The following CEP290 variants were observed in gnomAD, a reference collection of about 807,000 sequenced individuals.
The protein encoded by CEP290 is centrosomal protein 290, also known as centrosomal protein of 290 kDa.
In CEP290, 317 loss-of-function variants were observed where a neutral mutation model predicts 344.9. That is an observed-to-expected ratio of 0.92 (90% CI 0.84 to 1.01). CEP290 has a LOEUF of 1.01. Ranked by LOEUF, CEP290 falls within the 50% of genes least tolerant of loss-of-function variation. CEP290 has a pLI of 0.00. For missense variants in CEP290, 2,754 were observed against 2,761.4 expected, an observed-to-expected ratio of 1.00 and a Z score of 0.06; for synonymous variants, 932 against 895.8, an observed-to-expected ratio of 1.04 and a Z score of -0.72.
At chr12:88,114,307 CAAT>C in intron 20 of CEP290, 110 bp downstream of exon 20, 1 of 815,770 alleles carries the variant, frequency 1.2e-6, no homozygotes, top group South Asian at 2.4e-5. Context: ...TACAGGGAAA[CAAT>C]GATTCAAATG....
intron 11 of CEP290, among the ~76,000 whole-genome samples, chr12:88,127,191 A>G (rs1393654988): frequency 2.2e-5 from 1 of 45,844 alleles, no homozygotes; most frequent in Non-Finnish European, 5.9e-5. Flanking sequence ...TATGTTTCGA[A>G]GATTTAAATG....
At chr12:88,116,973 CAAAAAA>C in intron 18 of CEP290, 54 bp downstream of exon 18, 82 of 533,482 alleles carry the variant, frequency 1.5e-4, no homozygotes, top group Non-Finnish European at 1.6e-4. Context: ...GACTCCGTCT[CAAAAAA>C]AAAAAAAAAA....
In CEP290 at chr12:88,077,852, T is replaced by C. The variant is rs1460898199; in HGVS notation, c.5431A>G (p.Arg1811Gly). The C allele has an allele frequency of 3.4e-6, 5 of 1,455,894 alleles. No homozygotes were observed. The Admixed American group carries it at 8.8e-5, about 25-fold the overall frequency. The allele number at this position is 1,455,894 out of a possible 1,614,324, so 90.2% of individuals were successfully genotyped here. A position where few individuals can be genotyped will look rare whatever the true frequency, so the allele number is the denominator to read the frequency against. Reference protein sequence around the residue: ...LKEALKTSKNRENSLTDNLND... With the variant: ...LKEALKTSKNGENSLTDNLND... ...AAATTATCAGTTAGTGAGTTTTCTC[T>C]GTTTTTACTTGTTTTAAGTGCTTCT... The change falls in exon 40 of 54, where the codon AGA (arginine) becomes GGA (glycine). Residue 1811 changes from arginine (R) to glycine (G), a missense_variant. Arg to Gly is a moderately radical substitution (Grantham distance 125). Coordinates refer to ENST00000552810, the MANE Select transcript of CEP290 (RefSeq NM_025114.4).
At position 88,102,876 on chromosome 12, in the gene CEP290, T is replaced by C. The variant is rs1160930595; in HGVS notation, c.2953A>G (p.Met985Val). Residue 985 changes from methionine (M) to valine (V), a missense_variant, in exon 26 of 54, where the codon ATG becomes GTG. Coordinates refer to ENST00000552810, the MANE Select transcript of CEP290 (RefSeq NM_025114.4). Reference protein sequence around the residue: ...KYRDILQKDNMLVQRTSNLEH... With the variant: ...KYRDILQKDNVLVQRTSNLEH... Reference sequence around the variant, plus strand: ...AAGTTACTTGTTCTTTGAACAAGCATATTATCTTTTTGCAAGATGTCCCTG... The same window carrying C: ...AAGTTACTTGTTCTTTGAACAAGCACATTATCTTTTTGCAAGATGTCCCTG... The C allele has an allele frequency of 1.2e-6, 2 of 1,611,008 alleles. No individual in the cohort carries two copies. The highest frequency in any genetic ancestry group is 1.7e-6 in the Non-Finnish European group (2 of 1,178,596).
At chr12:88,086,595 A>C in intron 32 of CEP290, 97 bp from the exon 33 acceptor site, 1 of 739,966 alleles carries the variant, frequency 1.4e-6, no homozygotes, top group Non-Finnish European at 2.1e-6. Flanking sequence ...CTCACAACAC[A>C]TTGAAGAAAC....
At chr12:88,066,812 T>G (rs2034974183) in intron 44 of CEP290, among the ~76,000 whole-genome samples, 2 of 152,098 alleles carry the variant, frequency 1.3e-5, no homozygotes, top group African/African-American at 4.8e-5. Flanking sequence ...AAATTTTTTG[T>G]AGAGACAGGG....
rs1226069257 is a variant in CEP290, at chr12:88,118,538, C to T, written c.1656G>A (p.Leu552=). Residue 552 remains leucine, a synonymous_variant, in exon 17 of 54, where the codon CTG becomes CTA. Transcript: ENST00000552810. The part of the protein sequence containing the change: ...IESLEEERLD[L]KKKIRQMAQE... ...GAGCCATTTGACGAATTTTTTTTTT[C>T]AGATCAAGTCGTTCTTCCTCTAGAC... is the stretch of plus-strand genomic sequence containing the variant. 1 of 1,575,386 alleles carries T rather than the reference C, an allele frequency of 6.3e-7. No homozygotes were observed.
intron 29 of CEP290, among the ~76,000 whole-genome samples, chr12:88,091,810 TTAAC>T (rs1304429873): frequency 6.6e-6 from 1 of 152,168 alleles, no homozygotes; most frequent in Non-Finnish European, 1.5e-5. Context: ...GCTTGACAGA[TTAAC>T]TAAGTGCTCC....
intron 49 of CEP290, 32 bp from the exon 50 acceptor site, chr12:88,055,749 G>C (rs1339584238): frequency 7.3e-7 from 1 of 1,373,884 alleles, no homozygotes; most frequent in Admixed American, 3.1e-5. Context: ...GTATAGACAT[G>C]GCAAATAATT....
rs745370703 is a variant in CEP290, at chr12:88,141,239, T to C, written c.69A>G (p.Glu23=). 4.3e-6 allele frequency: 7 copies of C among 1,610,736 alleles called. No individual in the cohort carries two copies. The change falls in exon 2 of 54, where the codon GAA becomes GAG. Residue 23 remains glutamate (E), a synonymous_variant. Transcript: ENST00000552810. The part of the protein sequence containing the change: ...VDPDDLPRQE[E]LADNLLISLS... ...AGGAAATCAATAAATTATCTGCCAG[T>C]TCTTCTTGACGGGGCAGGTCATCTG...
chr12:88,092,911 T>C (rs2037156466), intron 28 of CEP290, 79 bp from the exon 29 acceptor site: 2 of 1,313,738 alleles, frequency 1.5e-6, no homozygotes, highest in African/African-American at 1.5e-5. Context: ...TTTAAAGTAC[T>C]GCAATCCTCT....
intron 12 of CEP290, 78 bp downstream of exon 12, chr12:88,126,238 A>G (rs1166469681): frequency 1.7e-5 from 21 of 1,209,308 alleles, no homozygotes; most frequent in Non-Finnish European, 2.3e-5. Context: ...CACTGATGAT[A>G]TAATAAATAA....
intron 25 of CEP290, chr12:88,103,333 A>C (rs895563304): frequency 1.2e-5 from 2 of 162,838 alleles, no homozygotes; most frequent in Non-Finnish European, 2.6e-5. Context: ...GGCTTTTCTA[A>C]ATTTCTTATG....
intron 20 of CEP290, 54 bp from the exon 21 acceptor site, chr12:88,111,912 G>T: frequency 8.1e-7 from 1 of 1,236,346 alleles, no homozygotes; most frequent in Non-Finnish European, 1.1e-6. Flanking sequence ...TAAAATCATA[G>T]TAAAAAACAG....
rs1014034003 is a variant in CEP290, at chr12:88,071,806, T to A, written c.5830A>T (p.Asn1944Tyr). The change falls in exon 42 of 54, where the codon AAT becomes TAT. Residue 1944 changes from asparagine to tyrosine, a missense_variant. Asn to Tyr is a moderately radical substitution (Grantham distance 143). Transcript: ENST00000552810. ...TTGGCAAAAAGATCCTTCAAAGTAT[T>A]CAACTGCTTTGTTAAAGTAAAGACT... ...GEVFTLTKQL[N>Y]TLKDLFAKAD... The A allele has an allele frequency of 6.2e-7, 1 of 1,600,522 alleles. No individual in the cohort carries two copies. The highest frequency in any genetic ancestry group is 8.5e-7 in the Non-Finnish European group (1 of 1,175,378).
rs79128614 is a variant in CEP290, at chr12:88,115,323, C to G, written c.1825-141G>C. 2.6e-4 allele frequency: 180 copies of G among 680,482 alleles called. 1 individual carries two copies. The African/African-American group carries it at 2.8e-3, about 11-fold the overall frequency. 42.2% of individuals were successfully genotyped at this position (680,482 alleles called of 1,614,324 possible). A position where few individuals can be genotyped will look rare whatever the true frequency, so the allele number is the denominator to read the frequency against. The stretch of plus-strand genomic sequence containing the variant: ...CGAGCTATGAAGACATAGCAGCAAT[C>G]ATAAAAATAAACTAAAATCTAAACA... On this transcript the variant is annotated intron_variant, in intron 18 of 53. Transcript: ENST00000552810.
intron 23 of CEP290, among the ~76,000 whole-genome samples, chr12:88,107,422 A>G (rs1007215253): frequency 2.0e-5 from 3 of 152,140 alleles, no homozygotes; most frequent in Non-Finnish European, 4.4e-5. Context: ...GGAAAATAAT[A>G]CCCTATACTA....
At chr12:88,125,165 G>T in intron 13 of CEP290, 81 bp downstream of exon 13, 1 of 462,920 alleles carries the variant, frequency 2.2e-6, no homozygotes. Context: ...ACTCAATATT[G>T]ACTTGACATT....
chr12:88,118,407 A>G, intron 17 of CEP290, 76 bp downstream of exon 17: 1 of 1,186,364 alleles, frequency 8.4e-7, no homozygotes, highest in African/African-American at 1.5e-5. Flanking sequence ...AAAACAGCTA[A>G]GACACAAATA....
Sources: allele counts gnomAD v4.1 joint callset (sites outside exome capture counted in the v4.1 genomes callset), GRCh38; gene constraint gnomAD v4.1.1; transcripts MANE v1.5; gene names NCBI Gene and HGNC (gene_info 2026-07-23, HGNC 2026-07-21).